RBM23: variants seen among roughly 807,000 people sequenced by gnomAD.
RBM23 encodes RNA binding motif protein 23, also known as probable RNA-binding protein 23.
A neutral mutation model predicts 56.2 loss-of-function variants in RBM23; 53 were observed. The observed-to-expected ratio is 0.94, with a 90% CI of 0.76 to 1.19. The LOEUF is 1.19. Among genes scored for constraint, RBM23 ranks in the 50% most tolerant of loss-of-function variants. RBM23 has a pLI of 0.00. For missense variants in RBM23, 642 were observed against 590.3 expected (o/e 1.09, Z -0.91); for synonymous variants, 197 against 198.5 (o/e 0.99, Z 0.06).
rs900406662 is a variant in RBM23, at chr14:22,899,940, C to T, written c.*1790G>A. 4 of 152,192 alleles carry T rather than the reference C, an allele frequency of 2.6e-5. No individual in the cohort carries two copies. The highest frequency in any genetic ancestry group is 5.9e-5 in the Non-Finnish European group (4 of 68,040). The allele number at this position is 152,192 out of a possible 1,614,324, so 9.4% of individuals were successfully genotyped here. On this transcript the variant is annotated 3_prime_UTR_variant, in exon 14 of 14. Coordinates refer to ENST00000359890, the MANE Select transcript of RBM23 (RefSeq NM_001077351.2). ...GCCATAGAGATCAAAAAAGGAGCCC[C>T]ACAGAGCCCTGCCCCTGAATTCAGG... is the stretch of plus-strand genomic sequence containing the variant.
chr14:22,909,996 T>C (rs1013131659), intron 2 of RBM23, among the ~76,000 whole-genome samples: 1 of 150,080 alleles, frequency 6.7e-6, no homozygotes, highest in Non-Finnish European at 1.5e-5. Context: ...CTACTAAAAA[T>C]ACAAAAATTA....
chr14:22,905,594 T>C lies in RBM23; in HGVS notation c.455+12A>G. ...CTCACAATCCCTAAAACAGTGTTCA[T>C]TATCAACCCACCTGACTGGGCTCTT... On this transcript the variant is annotated intron_variant, in intron 6 of 13. Transcript: ENST00000359890. 1 of 1,609,844 alleles carries C rather than the reference T, an allele frequency of 6.2e-7. No homozygotes were observed. The highest frequency in any genetic ancestry group is 8.5e-7 in the Non-Finnish European group (1 of 1,175,996).
intron 9 of RBM23, 47 bp downstream of exon 9, chr14:22,904,828 C>T: frequency 6.2e-7 from 1 of 1,610,632 alleles, no homozygotes; most frequent in Non-Finnish European, 8.5e-7. Context: ...ACTCACCCTC[C>T]CCACTTCTTC....
At chr14:22,913,919 G>A (rs902181538) in intron 1 of RBM23, 1 of 151,530 alleles carries the variant, frequency 6.6e-6, no homozygotes, top group Non-Finnish European at 1.5e-5. Flanking sequence ...AGCTACCTGG[G>A]AGGCTGAGAC....
chr14:22,904,916 T>A lies in RBM23; in HGVS notation c.823A>T (p.Thr275Ser), dbSNP rs573033705. 5.0e-6 allele frequency: 8 copies of A among 1,614,176 alleles called. No homozygotes were observed. In the South Asian group the frequency reaches 8.8e-5, roughly 18 times the overall value. The change falls in exon 9 of 14, where the codon ACT becomes TCT. Residue 275 changes from threonine (T) to serine (S), a missense_variant. By Grantham distance (58) the Thr-to-Ser change is moderately conservative (BLOSUM62 1). Coordinates refer to ENST00000359890, the MANE Select transcript of RBM23 (RefSeq NM_001077351.2). ...AAGATGCCCCGGAGCATGTCTTCAGTGATATTGAAGTGCAGGGAACCCACA... is the reference window on the plus strand; with the variant it reads ...AAGATGCCCCGGAGCATGTCTTCAGAGATATTGAAGTGCAGGGAACCCACA... Reference protein sequence around the residue: ...LYVGSLHFNITEDMLRGIFEP... With the variant: ...LYVGSLHFNISEDMLRGIFEP...
intron 1 of RBM23, among the ~76,000 whole-genome samples, chr14:22,918,594 G>A (rs1193097929): frequency 1.3e-5 from 2 of 152,168 alleles, no homozygotes; most frequent in Admixed American, 1.3e-4. Context: ...GAGGAAGAAA[G>A]CTCAATTCCC....
intron 1 of RBM23, among the ~76,000 whole-genome samples, chr14:22,912,201 G>A (rs566751120): frequency 6.6e-6 from 1 of 152,162 alleles, no homozygotes; most frequent in South Asian, 2.1e-4. Context: ...AACAAATATA[G>A]GCACATTATG....
chr14:22,915,677 G>A (rs879660570), intron 1 of RBM23, among the ~76,000 whole-genome samples: 1 of 151,684 alleles, frequency 6.6e-6, no homozygotes, highest in Non-Finnish European at 1.5e-5. Flanking sequence ...TGTATTTTTA[G>A]TAGAGACAAA....
Position 22,905,105 on chromosome 14 carries a change from G to A in RBM23, c.715C>T (p.Gln239Ter), listed in dbSNP as rs2041299347. ...QRLLGVPIIV[Q>*]ASQAEKNRLA... The stretch of plus-strand genomic sequence containing the variant: ...CTCAGCCTGCTCACCTGTGAAGCCT[G>A]TACAATGATAGGCACTCCCAGCAAC... Residue 239 changes from glutamine to a stop codon, truncating the protein, a stop_gained, in exon 8 of 14, where the codon CAG (glutamine) becomes TAG (stop). Transcript: ENST00000359890. LOFTEE classifies it high-confidence loss of function. 2 of 1,614,034 alleles carry A rather than the reference G, an allele frequency of 1.2e-6. No homozygotes were observed. Among genetic ancestry groups the A allele is most frequent in the Admixed American group, 1.7e-5 (1 of 59,994 alleles).
intron 1 of RBM23, among the ~76,000 whole-genome samples, chr14:22,912,529 CAG>C (rs1239780392): frequency 6.6e-6 from 1 of 152,012 alleles, no homozygotes. Context: ...ATAAGAAAAA[CAG>C]AAAATACCAA....
intron 2 of RBM23, among the ~76,000 whole-genome samples, chr14:22,910,667 G>C (rs118088059): frequency 2.6e-5 from 4 of 151,744 alleles, no homozygotes; most frequent in Admixed American, 6.6e-5. Context: ...CTGGGAGCTC[G>C]AGACCAGCCC....
intron 5 of RBM23, chr14:22,905,982 C>A: frequency 1.6e-6 from 1 of 635,500 alleles, no homozygotes; most frequent in Non-Finnish European, 2.7e-6. Context: ...ATTCCTGAGC[C>A]CAAGTGATCT....
At chr14:22,915,864 A>G (rs1317332187) in intron 1 of RBM23, among the ~76,000 whole-genome samples, 1 of 152,202 alleles carries the variant, frequency 6.6e-6, no homozygotes, top group Admixed American at 6.5e-5. Flanking sequence ...GACAGGTAAT[A>G]TATGATTCAT....
intron 1 of RBM23, among the ~76,000 whole-genome samples, chr14:22,918,038 G>C (rs1298198392): frequency 6.6e-6 from 1 of 152,068 alleles, no homozygotes; most frequent in Non-Finnish European, 1.5e-5. Context: ...AACAAAAGAG[G>C]AACAATGAGA....
At chr14:22,915,786 G>C (rs2043380870) in intron 1 of RBM23, among the ~76,000 whole-genome samples, 1 of 152,238 alleles carries the variant, frequency 6.6e-6, no homozygotes, top group African/African-American at 2.4e-5. Flanking sequence ...GAGCCACTGT[G>C]CCCGGCCTTC....
At chr14:22,904,123 G>A (rs1423576657) in intron 10 of RBM23, 138 bp downstream of exon 10, 4 of 1,553,306 alleles carry the variant, frequency 2.6e-6, no homozygotes, top group Non-Finnish European at 3.5e-6. Flanking sequence ...GGGGTAGAAG[G>A]CTAGTCCAAG....
At chr14:22,913,358 G>A (rs1189228084) in intron 1 of RBM23, among the ~76,000 whole-genome samples, 1 of 148,616 alleles carries the variant, frequency 6.7e-6, no homozygotes, top group African/African-American at 2.5e-5. Flanking sequence ...AGCTTGCAGT[G>A]AGCCGAGATC....
rs1469002361 is a variant in RBM23 at position 22,900,548 on chromosome 14, C to T, written c.*1182G>A. On this transcript the variant is annotated 3_prime_UTR_variant, in exon 14 of 14. Coordinates refer to ENST00000359890, the MANE Select transcript of RBM23 (RefSeq NM_001077351.2). ...GATGAAGATAGATGGAGAAGACAAC[C>T]ATAGATCAACAGTGTAATGCAGATA... 6.6e-6 allele frequency: 1 copy of T among 152,092 alleles called. No homozygotes were observed. Among genetic ancestry groups the T allele is most frequent in the Non-Finnish European group, 1.5e-5 (1 of 68,034 alleles). 9.4% of individuals were successfully genotyped at this position (152,092 alleles called of 1,614,324 possible). A position where few individuals can be genotyped will look rare whatever the true frequency, so the allele number is the denominator to read the frequency against.
At chr14:22,906,120 A>C in intron 5 of RBM23, 75 bp downstream of exon 5, 1 of 1,517,930 alleles carries the variant, frequency 6.6e-7, no homozygotes. Flanking sequence ...AGCACCCTCA[A>C]GCAGGGTTCA....
Sources: allele counts gnomAD v4.1 joint callset (sites outside exome capture counted in the v4.1 genomes callset), GRCh38; gene constraint gnomAD v4.1.1; transcripts MANE v1.5; gene names NCBI Gene and HGNC (gene_info 2026-07-23, HGNC 2026-07-21).